TRMT11: variants seen among roughly 807,000 people sequenced by gnomAD.
TRMT11 encodes tRNA methyltransferase 11, also known as tRNA (guanine(10)-N(2))-methyltransferase TRMT11.
A neutral mutation model predicts 62.8 loss-of-function variants in TRMT11; 53 were observed. The ratio of observed to expected loss-of-function variants is 0.84; its 90% CI spans 0.68 to 1.06. The LOEUF is 1.06. Ranked by LOEUF, TRMT11 falls within the 50% of genes least tolerant of loss-of-function variation. The probability of loss-of-function intolerance (pLI) is 0.00; values close to 1 mark genes in which losing one functional copy is unlikely to be tolerated. For synonymous variants in TRMT11, 188 were observed against 190.3 expected (o/e 0.99, Z 0.10); for missense variants, 556 against 553.4 (o/e 1.00, Z -0.05).
chr6:126,068,534 T>C (rs1776754922), intron 17 of TRMT11, among the ~76,000 whole-genome samples: 1 of 152,220 alleles, frequency 6.6e-6, no homozygotes, highest in South Asian at 2.1e-4. Context: ...TTTGGCATAA[T>C]TCAGTATCAG....
chr6:126,149,062 T>C (rs72977809), intron 21 of TRMT11, among the ~76,000 whole-genome samples: 1,802 of 152,350 alleles, frequency 0.012, 17 homozygotes, highest in African/African-American at 0.023. Flanking sequence ...TGAAAGCAAG[T>C]AGATAGTATC....
the TRMT11 span, among the ~76,000 whole-genome samples, chr6:126,215,757 G>A: frequency 1.7e-4 from 26 of 150,600 alleles, no homozygotes; most frequent in African/African-American, 6.1e-4. Context: ...ATTTTTTTTT[G>A]ATTTGAGGTT....
At chr6:126,029,682 G>A (rs1417614777) in intron 12 of TRMT11, among the ~76,000 whole-genome samples, 1 of 152,170 alleles carries the variant, frequency 6.6e-6, no homozygotes, top group African/African-American at 2.4e-5. Flanking sequence ...TGCTACTCAA[G>A]AAGGTGTTAA....
chr6:126,126,685 A>G (rs1777722772), intron 21 of TRMT11, among the ~76,000 whole-genome samples: 1 of 152,136 alleles, frequency 6.6e-6, no homozygotes, highest in Admixed American at 6.5e-5. Flanking sequence ...TCATTCTTCT[A>G]GTCCCATAAG....
chr6:126,179,525 A>C (rs1206658599), intron 1 of TRMT11, among the ~76,000 whole-genome samples: 1 of 152,188 alleles, frequency 6.6e-6, no homozygotes, highest in Non-Finnish European at 1.5e-5. Flanking sequence ...CACACTGAAC[A>C]AAGTTTTTTT....
At chr6:126,107,549 A>T (rs1428044239) in intron 17 of TRMT11, among the ~76,000 whole-genome samples, 1 of 152,194 alleles carries the variant, frequency 6.6e-6, no homozygotes, top group Non-Finnish European at 1.5e-5. Flanking sequence ...GCTCACTTAA[A>T]GACATTTCAG....
At chr6:126,033,379 A>G (rs964107326) in intron 12 of TRMT11, among the ~76,000 whole-genome samples, 1 of 152,132 alleles carries the variant, frequency 6.6e-6, no homozygotes, top group African/African-American at 2.4e-5. Context: ...AAAATTTATT[A>G]TAAGTGGCTG....
chr6:126,044,706 A>G (rs1775995415), intron 16 of TRMT11, among the ~76,000 whole-genome samples: 1 of 152,152 alleles, frequency 6.6e-6, no homozygotes, highest in African/African-American at 2.4e-5. Context: ...GTCTGTGTAC[A>G]ACCTTGGAAG....
intron 21 of TRMT11, among the ~76,000 whole-genome samples, chr6:126,136,945 G>GAAA (rs71272315): frequency 3.4e-5 from 5 of 144,970 alleles, no homozygotes; most frequent in African/African-American, 5.1e-5. Context: ...GTAGAAAAAT[G>GAAA]AAAAAAAAAA....
the TRMT11 span, among the ~76,000 whole-genome samples, chr6:126,253,456 A>G: frequency 5.9e-5 from 9 of 152,226 alleles, no homozygotes; most frequent in African/African-American, 2.2e-4. Context: ...AACCAGTAAC[A>G]TAGTCATTTA....
At chr6:126,222,799 G>A in the TRMT11 span, among the ~76,000 whole-genome samples, 1 of 152,116 alleles carries the variant, frequency 6.6e-6, no homozygotes, top group African/African-American at 2.4e-5. Flanking sequence ...TGCCTTTTAA[G>A]TGGACACATT....
At chr6:126,209,123 G>C in the TRMT11 span, among the ~76,000 whole-genome samples, 1 of 152,078 alleles carries the variant, frequency 6.6e-6, no homozygotes, top group Non-Finnish European at 1.5e-5. Flanking sequence ...AGAGAAAAAA[G>C]ATCTTAAAGA....
At chr6:126,221,457 G>T in the TRMT11 span, among the ~76,000 whole-genome samples, 1 of 152,100 alleles carries the variant, frequency 6.6e-6, no homozygotes, top group Non-Finnish European at 1.5e-5. Context: ...CATTCTGACT[G>T]GTGTAAGATG....
intron 21 of TRMT11, among the ~76,000 whole-genome samples, chr6:126,157,761 G>A (rs886889135): frequency 7.2e-5 from 11 of 152,140 alleles, no homozygotes; most frequent in Admixed American, 3.3e-4. Flanking sequence ...ATTAATGACT[G>A]TATAGTTTGT....
the TRMT11 span, among the ~76,000 whole-genome samples, chr6:126,240,159 C>G: frequency 1.3e-5 from 2 of 152,128 alleles, no homozygotes; most frequent in Non-Finnish European, 2.9e-5. Flanking sequence ...TTCAAACTTC[C>G]TCCTTTAGCT....
the TRMT11 span, chr6:126,258,088 G>A: frequency 6.7e-6 from 7 of 1,052,372 alleles, no homozygotes; most frequent in Non-Finnish European, 1.5e-6. Context: ...TCAATCTCCA[G>A]TTCTGGGATC....
chr6:126,061,184 G>A (rs1013974213), intron 17 of TRMT11, among the ~76,000 whole-genome samples: 51 of 152,198 alleles, frequency 3.4e-4, no homozygotes, highest in African/African-American at 1.2e-3. Flanking sequence ...AGCTTTTTAG[G>A]AATGCAGGAT....
At chr6:126,145,035 T>G (rs1777958918) in intron 21 of TRMT11, among the ~76,000 whole-genome samples, 1 of 152,210 alleles carries the variant, frequency 6.6e-6, no homozygotes, top group Non-Finnish European at 1.5e-5. Context: ...AAGTTTTATA[T>G]CTCTATGGTC....
chr6:126,064,933 T>C (rs1457499795), intron 17 of TRMT11, among the ~76,000 whole-genome samples: 1 of 152,202 alleles, frequency 6.6e-6, no homozygotes, highest in Admixed American at 6.5e-5. Context: ...AAAAGTATAA[T>C]TAGCTGTAAT....
Sources: gnomAD v4.1 joint callset for allele counts (sites outside exome capture counted in the v4.1 genomes callset) on GRCh38, gnomAD v4.1.1 for gene constraint, MANE v1.5 for transcripts, NCBI Gene and HGNC (gene_info 2026-07-23, HGNC 2026-07-21) for gene names.